NKAIN3: variants seen among roughly 807,000 people sequenced by gnomAD.
The protein encoded by NKAIN3 is sodium/potassium-transporting ATPase subunit beta-1-interacting protein 3.
A neutral mutation model predicts 30.2 loss-of-function variants in NKAIN3; 25 were observed. That is an observed-to-expected ratio of 0.83 (90% CI 0.60 to 1.16). NKAIN3 has a LOEUF of 1.16. Among genes scored for constraint, NKAIN3 ranks in the 50% most tolerant of loss-of-function variants. The pLI is 0.00. For missense variants in NKAIN3, 225 were observed against 254.1 expected, an observed-to-expected ratio of 0.89 and a Z score of 0.78; for synonymous variants, 91 against 89.6, an observed-to-expected ratio of 1.02 and a Z score of -0.09.
At chr8:62,284,790 A>G (rs962533298) in intron 1 of NKAIN3, among the ~76,000 whole-genome samples, 2 of 152,118 alleles carry the variant, frequency 1.3e-5, no homozygotes, top group Admixed American at 6.6e-5. Flanking sequence ...TGCAAAAAAA[A>G]ACTCTGAAAA....
chr8:62,774,664 A>C (rs1284895612), intron 4 of NKAIN3, among the ~76,000 whole-genome samples: 1 of 152,192 alleles, frequency 6.6e-6, no homozygotes, highest in Non-Finnish European at 1.5e-5. Context: ...TGAACTGATC[A>C]CATGGTTTTT....
At chr8:62,623,327 A>G (rs568859544) in intron 3 of NKAIN3, among the ~76,000 whole-genome samples, 52 of 152,264 alleles carry the variant, frequency 3.4e-4, no homozygotes, top group Non-Finnish European at 1.3e-4. Flanking sequence ...AAATTTATGT[A>G]TATAACCACC....
intron 4 of NKAIN3, among the ~76,000 whole-genome samples, chr8:62,802,610 A>G (rs1404623962): frequency 6.6e-6 from 1 of 152,202 alleles, no homozygotes; most frequent in Non-Finnish European, 1.5e-5. Context: ...AGCTCCTGAA[A>G]GAAGCACTAA....
At chr8:62,346,306 T>C (rs1816004318) in intron 1 of NKAIN3, among the ~76,000 whole-genome samples, 1 of 152,136 alleles carries the variant, frequency 6.6e-6, no homozygotes, top group Non-Finnish European at 1.5e-5. Flanking sequence ...TGTGTATTCA[T>C]GTATTGAAAC....
At chr8:62,334,820 A>G (rs1815482230) in intron 1 of NKAIN3, among the ~76,000 whole-genome samples, 1 of 152,074 alleles carries the variant, frequency 6.6e-6, no homozygotes, top group Non-Finnish European at 1.5e-5. Flanking sequence ...GTTCATAGCT[A>G]GAAGGCTGGG....
chr8:62,285,542 G>A (rs969265159), intron 1 of NKAIN3, among the ~76,000 whole-genome samples: 1 of 152,082 alleles, frequency 6.6e-6, no homozygotes, highest in Non-Finnish European at 1.5e-5. Context: ...TGTGTGTTCT[G>A]ATCTCTCCTC....
At chr8:62,950,337 GT>G (rs1185988270) in intron 5 of NKAIN3, among the ~76,000 whole-genome samples, 5 of 152,138 alleles carry the variant, frequency 3.3e-5, no homozygotes, top group Non-Finnish European at 5.9e-5. Context: ...ATGACAAACT[GT>G]TTTTTAATAT....
chr8:62,898,185 C>T (rs1003558720), intron 4 of NKAIN3, among the ~76,000 whole-genome samples: 1 of 151,520 alleles, frequency 6.6e-6, no homozygotes, highest in African/African-American at 2.4e-5. Context: ...CCAAAGACAT[C>T]TCAGAACTCT....
Position 62,878,078 on chromosome 8 carries a change from G to A in NKAIN3, c.472-40375G>A, listed in dbSNP as rs572795340. On this transcript the variant is annotated intron_variant, in intron 4 of 6. Coordinates refer to ENST00000623646, the MANE Select transcript of NKAIN3 (RefSeq NM_001304533.3). ...AAAAAGACACAAAGAGATCAAATACGGGACTTTGCATTTCAGCCAATAATA... is the reference window on the plus strand; with the variant it reads ...AAAAAGACACAAAGAGATCAAATACAGGACTTTGCATTTCAGCCAATAATA... 6.1e-5 allele frequency among the ~76,000 whole-genome samples: 9 copies of A among 148,672 alleles called. No individual in the cohort carries two copies. The East Asian group carries it at 1.2e-3, about 19-fold the overall frequency.
At chr8:62,936,329 T>G (rs1822789020) in intron 5 of NKAIN3, among the ~76,000 whole-genome samples, 1 of 152,092 alleles carries the variant, frequency 6.6e-6, no homozygotes. Flanking sequence ...AGTGACCCAC[T>G]CCCACTGTGG....
At chr8:62,572,896 A>G (rs1185931551) in intron 1 of NKAIN3, among the ~76,000 whole-genome samples, 2 of 152,302 alleles carry the variant, frequency 1.3e-5, no homozygotes, top group East Asian at 1.9e-4. Flanking sequence ...CAATGTGTCA[A>G]TAAGAAACAT....
chr8:62,297,462 A>T (rs1326872816), intron 1 of NKAIN3, among the ~76,000 whole-genome samples: 4 of 152,242 alleles, frequency 2.6e-5, no homozygotes, highest in Admixed American at 2.6e-4. Flanking sequence ...CAATGAACTC[A>T]AACAAATTTA....
chr8:62,512,157 GAC>G (rs777126571), intron 1 of NKAIN3, among the ~76,000 whole-genome samples: 2 of 152,064 alleles, frequency 1.3e-5, no homozygotes, highest in Non-Finnish European at 2.9e-5. Flanking sequence ...ATATTCTGAG[GAC>G]CTTGAAGAGT....
intron 4 of NKAIN3, among the ~76,000 whole-genome samples, chr8:62,785,579 G>T (rs1817489510): frequency 1.3e-5 from 2 of 152,254 alleles, no homozygotes; most frequent in South Asian, 2.1e-4. Context: ...TGGGTGAATT[G>T]TATGCTATGT....
At chr8:62,617,781 AAAAAAGAAAATGGG>A (rs1284830666) in intron 3 of NKAIN3, among the ~76,000 whole-genome samples, 1 of 49,316 alleles carries the variant, frequency 2.0e-5, no homozygotes, top group African/African-American at 2.9e-4. Flanking sequence ...ACCAAATGGA[AAAAAAGAAAATGGG>A]AAAACATATT....
At chr8:62,569,469 T>C (rs999529664) in intron 1 of NKAIN3, among the ~76,000 whole-genome samples, 52 of 152,194 alleles carry the variant, frequency 3.4e-4, no homozygotes, top group Non-Finnish European at 6.6e-4. Flanking sequence ...ATGTGAACTT[T>C]CCAGACATAA....
chr8:62,629,231 G>A (rs1811879202), intron 3 of NKAIN3, among the ~76,000 whole-genome samples: 1 of 152,040 alleles, frequency 6.6e-6, no homozygotes, highest in South Asian at 2.1e-4. Context: ...CACTTGTATG[G>A]ATGTATTTCA....
At chr8:62,385,623 C>A (rs1258660563) in intron 1 of NKAIN3, among the ~76,000 whole-genome samples, 1 of 152,180 alleles carries the variant, frequency 6.6e-6, no homozygotes, top group Non-Finnish European at 1.5e-5. Context: ...AGCATGACCA[C>A]AATCAATATA....
Position 62,401,018 on chromosome 8 carries a change from TCA to T in NKAIN3, c.54+151893_54+151894del, listed in dbSNP as rs1491280646. ...TTTGATTAAACTTTCTACCTTTCTC[TCA>T]CTCTCTCTCTCTCTCTCTACATCCT... On this transcript the variant is annotated intron_variant, in intron 1 of 6. Coordinates refer to ENST00000623646, the MANE Select transcript of NKAIN3 (RefSeq NM_001304533.3). 3.3e-3 allele frequency among the ~76,000 whole-genome samples: 489 copies of T among 149,270 alleles called. 8 individuals are homozygous for T. The East Asian group carries it at 0.05, about 15-fold the overall frequency.
Sources: gnomAD v4.1 joint callset for allele counts (sites outside exome capture counted in the v4.1 genomes callset) on GRCh38, gnomAD v4.1.1 for gene constraint, MANE v1.5 for transcripts, NCBI Gene and HGNC (gene_info 2026-07-23, HGNC 2026-07-21) for gene names.